CHURC1: variants seen among roughly 807,000 people sequenced by gnomAD.
CHURC1 encodes the protein churchill domain containing 1.
Under a neutral mutation model 15.4 loss-of-function variants are expected in CHURC1, and 12 were observed. The observed-to-expected ratio is 0.78, with a 90% CI of 0.50 to 1.27. The LOEUF (loss-of-function observed/expected upper bound fraction) is 1.27, where lower values mean the gene tolerates loss of function less well. Ranked by LOEUF, CHURC1 falls within the 50% of genes most tolerant of loss-of-function variation. The pLI, the probability that CHURC1 is intolerant of heterozygous loss-of-function variation, is 0.00. For synonymous variants in CHURC1, 42 were observed against 47.5 expected (o/e 0.88, Z 0.48); for missense variants, 132 against 137.8 (o/e 0.96, Z 0.21).
chr14:64,915,614 T>C (rs1883829320), intron 1 of CHURC1, among the ~76,000 whole-genome samples: 1 of 152,202 alleles, frequency 6.6e-6, no homozygotes, highest in African/African-American at 2.4e-5. Context: ...TCCTTATGTC[T>C]TAGTATCTTA....
chr14:64,925,820 G>GTACA (rs1339994319), intron 2 of CHURC1, among the ~76,000 whole-genome samples, 190 bp from the exon 3 acceptor site: 1 of 137,642 alleles, frequency 7.3e-6, no homozygotes, highest in African/African-American at 3.0e-5. Context: ...TCAGAATTAT[G>GTACA]TAACGTTGTT....
chr14:64,922,764 G>A (rs1391816099), intron 1 of CHURC1, among the ~76,000 whole-genome samples: 1 of 151,188 alleles, frequency 6.6e-6, no homozygotes, highest in Non-Finnish European at 1.5e-5. Flanking sequence ...ACATAGAAGG[G>A]AGAGATTCCT....
chr14:64,934,663 A>C lies in CHURC1; in HGVS notation c.*2433A>C, dbSNP rs1231124419. ...GCTGAGGAAATCGTTTGGTGAAATG[A>C]ATCCAGAAAGCAGAGAAAATGCTTC... On this transcript the variant is annotated 3_prime_UTR_variant, in exon 4 of 4. Transcript: ENST00000549115. 8.1e-6 allele frequency: 8 copies of C among 985,332 alleles called. No homozygotes were observed. Among genetic ancestry groups the C allele is most frequent in the Non-Finnish European group, 9.6e-6 (8 of 829,934 alleles). 61.0% of individuals were successfully genotyped at this position (985,332 alleles called of 1,614,324 possible).
At chr14:64,932,043 C>G in intron 3 of CHURC1, 95 bp from the exon 4 acceptor site, 1 of 1,458,058 alleles carries the variant, frequency 6.9e-7, no homozygotes, top group Non-Finnish European at 9.2e-7. Flanking sequence ...AAAGAATATT[C>G]ATGACAATTT....
intron 1 of CHURC1, among the ~76,000 whole-genome samples, chr14:64,921,179 C>T (rs919963171): frequency 6.6e-6 from 1 of 152,098 alleles, no homozygotes; most frequent in Non-Finnish European, 1.5e-5. Flanking sequence ...TTGATCCTTA[C>T]CTCATATATA....
intron 3 of CHURC1, among the ~76,000 whole-genome samples, chr14:64,930,574 T>A (rs1026717359): frequency 2.0e-5 from 3 of 152,202 alleles, no homozygotes; most frequent in Non-Finnish European, 4.4e-5. Context: ...GATTTAATAG[T>A]CTTGCCAGAT....
At chr14:64,931,881 A>G (rs763640319) in intron 3 of CHURC1, among the ~76,000 whole-genome samples, 6 of 152,268 alleles carry the variant, frequency 3.9e-5, no homozygotes, top group Non-Finnish European at 7.3e-5. Context: ...TTTAAATAGC[A>G]CTAAGCTAAA....
chr14:64,933,326 G>C lies in CHURC1; in HGVS notation c.*1096G>C. On this transcript the variant is annotated 3_prime_UTR_variant, in exon 4 of 4. Transcript: ENST00000549115. ...AAAAAGGTCATTTGGTAGAAACTAG[G>C]GAAATCTGAATACAGTGTGGACTTC... 1.0e-6 allele frequency: 1 copy of C among 972,696 alleles called. No individual in the cohort carries two copies. Among genetic ancestry groups the C allele is most frequent in the Non-Finnish European group, 1.2e-6 (1 of 818,130 alleles). 60.3% of individuals were successfully genotyped at this position (972,696 alleles called of 1,614,324 possible).
rs1222531533 is a variant in CHURC1 at position 64,932,925 on chromosome 14, G to GT, written c.*696dup. ...TATAATATGGAAAGGGGGGAAAAGAGTAACTTTACAGTGGAGAAATCTGAC... is the reference window on the plus strand; with the variant it reads ...TATAATATGGAAAGGGGGGAAAAGAGTTAACTTTACAGTGGAGAAATCTGAC... On this transcript the variant is annotated 3_prime_UTR_variant, in exon 4 of 4. Transcript: ENST00000549115. 1 of 152,240 alleles carries GT rather than the reference G, an allele frequency of 6.6e-6. No homozygotes were observed. Among genetic ancestry groups the GT allele is most frequent in the South Asian group, 2.1e-4 (1 of 4,832 alleles). 9.4% of individuals were successfully genotyped at this position (152,240 alleles called of 1,614,324 possible).
chr14:64,924,235 C>A, intron 2 of CHURC1, 109 bp downstream of exon 2: 2 of 1,275,740 alleles, frequency 1.6e-6, no homozygotes, highest in Non-Finnish European at 2.0e-6. Flanking sequence ...GTATTGCGCA[C>A]ATAATTACTA....
chr14:64,922,205 A>G (rs1884353286), intron 1 of CHURC1, among the ~76,000 whole-genome samples: 1 of 152,136 alleles, frequency 6.6e-6, no homozygotes, highest in Non-Finnish European at 1.5e-5. Flanking sequence ...TACATTGGTT[A>G]AAAGTCATTC....
At chr14:64,928,494 C>T (rs1033025510) in intron 3 of CHURC1, among the ~76,000 whole-genome samples, 21 of 152,196 alleles carry the variant, frequency 1.4e-4, no homozygotes, top group South Asian at 1.0e-3. Context: ...AAACAGTCCT[C>T]CTGCCTCAGC....
At chr14:64,926,332 C>T (rs911761542) in intron 3 of CHURC1, among the ~76,000 whole-genome samples, 1 of 151,512 alleles carries the variant, frequency 6.6e-6, no homozygotes, top group East Asian at 1.9e-4. Flanking sequence ...AGGCATGAGC[C>T]ACTGTGCCCA....
intron 1 of CHURC1, among the ~76,000 whole-genome samples, chr14:64,916,035 T>A (rs923425056): frequency 6.6e-6 from 1 of 152,082 alleles, no homozygotes; most frequent in Non-Finnish European, 1.5e-5. Flanking sequence ...CATCCAGCAA[T>A]ACATGGGACA....
At position 64,919,621 on chromosome 14, in the gene CHURC1, G is replaced by A. The variant is rs547850307; in HGVS notation, c.40-4370G>A. On this transcript the variant is annotated intron_variant, in intron 1 of 3. Transcript: ENST00000549115. ...AAATGGGCCAGGTATGGTGGCTCAC[G>A]CCTGTAATCCCAGGACCTTCGGAGG... Among the ~76,000 whole-genome samples the A allele has an allele frequency of 8.0e-4, 122 of 152,214 alleles. No homozygotes were observed. The Middle Eastern group carries it at 0.01, about 13-fold the overall frequency.
chr14:64,917,643 T>TGG (rs2139878137), intron 1 of CHURC1, among the ~76,000 whole-genome samples: 1 of 152,224 alleles, frequency 6.6e-6, no homozygotes, highest in East Asian at 1.9e-4. Flanking sequence ...CCTAGCTACT[T>TGG]GGAGGTTGAG....
intron 1 of CHURC1, among the ~76,000 whole-genome samples, chr14:64,916,789 A>T (rs1042247945): frequency 1.3e-5 from 2 of 152,104 alleles, no homozygotes; most frequent in African/African-American, 4.8e-5. Context: ...CTTGTTAGCC[A>T]GGATGGTCTC....
intron 3 of CHURC1, among the ~76,000 whole-genome samples, chr14:64,927,809 G>C (rs1054523066): frequency 6.8e-6 from 1 of 147,864 alleles, no homozygotes; most frequent in Non-Finnish European, 1.5e-5. Flanking sequence ...AGTGGTGTGT[G>C]CCTATAGTTC....
At chr14:64,923,763 G>T in intron 1 of CHURC1, among the ~76,000 whole-genome samples, 1 of 145,220 alleles carries the variant, frequency 6.9e-6, no homozygotes, top group Admixed American at 6.9e-5. Context: ...ACAGACTTAA[G>T]GATCTAACAC....
Sources: gnomAD v4.1 joint callset for allele counts (sites outside exome capture counted in the v4.1 genomes callset) on GRCh38, gnomAD v4.1.1 for gene constraint, MANE v1.5 for transcripts, NCBI Gene and HGNC (gene_info 2026-07-23, HGNC 2026-07-21) for gene names.